Variants in POLN observed in about 807,000 individuals in gnomAD.
The protein encoded by POLN is DNA polymerase N.
A neutral mutation model predicts 113.5 loss-of-function variants in POLN; 108 were observed. The observed-to-expected ratio is 0.95, with a 90% CI of 0.81 to 1.12. The LOEUF is 1.12. POLN is among the 50% of genes most tolerant of loss of function. POLN has a pLI of 0.00. For missense variants in POLN, 1,097 were observed against 1,077.1 expected, an observed-to-expected ratio of 1.02 and a Z score of -0.26; for synonymous variants, 386 against 391.5, an observed-to-expected ratio of 0.99 and a Z score of 0.17.
At chr4:2,230,014 C>G (rs1734524528) in intron 2 of POLN, 1 of 151,922 alleles carries the variant, frequency 6.6e-6, no homozygotes, top group Admixed American at 6.6e-5. Context: ...AGCATCTGGG[C>G]AGGGGCATGG....
At chr4:2,134,870 G>C (rs1731815147) in intron 16 of POLN, among the ~76,000 whole-genome samples, 1 of 152,226 alleles carries the variant, frequency 6.6e-6, no homozygotes, top group Non-Finnish European at 1.5e-5. Context: ...GAATGAGTGA[G>C]ACAGAGAGGC....
In POLN at chr4:2,093,542, C is replaced by A. The variant is rs1445768804; in HGVS notation, c.2065+2309G>T. ...GGGATCAAGCCCAGGCTGCCGGGCC[C>A]AGGACTGGGGAGGTGATGTCCTGCC... On this transcript the variant is annotated intron_variant, in intron 20 of 25. Transcript: ENST00000511885. The surrounding 1 kb of genome is among the most constrained non-coding windows in gnomAD (Gnocchi z 4.1). Among the ~76,000 whole-genome samples, 2 of 152,190 alleles carry A rather than the reference C, an allele frequency of 1.3e-5. No homozygotes were observed. Among genetic ancestry groups the A allele is most frequent in the South Asian group, 4.1e-4 (2 of 4,830 alleles).
intron 16 of POLN, among the ~76,000 whole-genome samples, chr4:2,140,323 C>T (rs151268402): frequency 0.03 from 4,575 of 152,240 alleles, 98 homozygotes; most frequent in Admixed American, 0.048. Flanking sequence ...ATGATCCACC[C>T]GCCTCAGCCT....
intron 20 of POLN, chr4:2,090,360 A>C (rs1730637757): frequency 2.8e-6 from 2 of 713,962 alleles, no homozygotes; most frequent in East Asian, 5.1e-5. Context: ...CTCTCATGTG[A>C]TCAAGGCATG....
chr4:2,234,690 G>T (rs1449460355), intron 2 of POLN, among the ~76,000 whole-genome samples: 4 of 151,982 alleles, frequency 2.6e-5, no homozygotes, highest in African/African-American at 9.7e-5. Context: ...AAATGGCAAA[G>T]GAATATTAAT....
intron 1 of POLN, 74 bp downstream of exon 1, chr4:2,241,977 G>A: frequency 1.0e-6 from 1 of 985,538 alleles, no homozygotes; most frequent in Non-Finnish European, 1.2e-6. Context: ...GAGGCACCTG[G>A]GTGCAGACGG....
At chr4:2,075,544 C>G (rs747520198) in intron 23 of POLN, 25 bp from the exon 24 acceptor site, 1 of 1,612,134 alleles carries the variant, frequency 6.2e-7, no homozygotes, top group South Asian at 1.1e-5. Context: ...AGGAGTCACC[C>G]TGGGAGGCCA....
intron 7 of POLN, among the ~76,000 whole-genome samples, chr4:2,189,173 T>C (rs1256222183): frequency 6.6e-6 from 1 of 152,128 alleles, no homozygotes; most frequent in Non-Finnish European, 1.5e-5. Context: ...AGTCCTCACC[T>C]ACCAATAACA....
chr4:2,120,650 C>T (rs1164870287), intron 19 of POLN, among the ~76,000 whole-genome samples: 2 of 152,042 alleles, frequency 1.3e-5, no homozygotes, highest in African/African-American at 4.8e-5. Context: ...CTCATCACTA[C>T]AACCGGCTAA....
chr4:2,155,935 C>A (rs1297639810), intron 16 of POLN, among the ~76,000 whole-genome samples: 1 of 151,954 alleles, frequency 6.6e-6, no homozygotes, highest in Non-Finnish European at 1.5e-5. Flanking sequence ...CCTGGGTTCA[C>A]ACCATTTTCC....
intron 2 of POLN, chr4:2,232,182 A>G: frequency 8.7e-7 from 1 of 1,149,776 alleles, no homozygotes; most frequent in Non-Finnish European, 1.2e-6. Context: ...AAATAAAAAT[A>G]AAAATTAAAA....
intron 5 of POLN, among the ~76,000 whole-genome samples, chr4:2,206,528 C>T (rs1733847797): frequency 1.3e-5 from 2 of 152,168 alleles, no homozygotes; most frequent in South Asian, 2.1e-4. Context: ...CCAGAATCTA[C>T]AATGACTCAA....
At position 2,180,068 on chromosome 4, in the gene POLN, C is replaced by T. The variant is rs11946489; in HGVS notation, c.1022-603G>A. Among the ~76,000 whole-genome samples, 686 of 152,338 alleles carry T rather than the reference C, an allele frequency of 4.5e-3. 8 individuals carry two copies. Among genetic ancestry groups the T allele is most frequent in the African/African-American group, 0.016 (652 of 41,574 alleles). ...TCTACAAGACAACTAATGTGTGGCG[C>T]TTTGGTACTGTGGAAGGAACACCAG... On this transcript the variant is annotated intron_variant, in intron 7 of 25. Transcript: ENST00000511885.
chr4:2,114,466 TC>T (rs1731271464), intron 19 of POLN, among the ~76,000 whole-genome samples: 1 of 152,184 alleles, frequency 6.6e-6, no homozygotes, highest in South Asian at 2.1e-4. Context: ...TGAAAATGTA[TC>T]TTTTGCATTA....
At chr4:2,187,230 TTTTG>T (rs909294929) in intron 7 of POLN, among the ~76,000 whole-genome samples, 11 of 142,966 alleles carry the variant, frequency 7.7e-5, no homozygotes, top group South Asian at 2.1e-4. Context: ...TTCCCAAATT[TTTTG>T]TTTGTTTGTT....
intron 19 of POLN, among the ~76,000 whole-genome samples, chr4:2,100,241 A>G (rs1467860919): frequency 7.2e-5 from 11 of 152,280 alleles, no homozygotes; most frequent in African/African-American, 2.6e-4. Context: ...GGTTTTTGTT[A>G]TTTTGATAAC....
At chr4:2,234,918 C>T (rs1050017895) in intron 2 of POLN, among the ~76,000 whole-genome samples, 7 of 152,188 alleles carry the variant, frequency 4.6e-5, no homozygotes, top group African/African-American at 1.7e-4. Flanking sequence ...CCAAGTCTTG[C>T]TCTGTCGCCC....
chr4:2,165,319 C>G (rs1321165472), intron 13 of POLN, among the ~76,000 whole-genome samples: 1 of 152,116 alleles, frequency 6.6e-6, no homozygotes, highest in Non-Finnish European at 1.5e-5. Context: ...TGAAATAAGT[C>G]AATCCGAAAA....
chr4:2,085,722 GCAAGC>G lies in POLN; in HGVS notation c.2083_2087del (p.Ala695ProfsTer56). On this transcript the variant is annotated frameshift_variant, in exon 21 of 26. Coordinates refer to ENST00000511885, the MANE Select transcript of POLN (RefSeq NM_181808.4). LOFTEE classifies it high-confidence loss of function. ...CAGCTTCCTGAATAGGAACTCCAAG[GCAAGC>G]AGCCAGCCGCTCCTTCCCTGTCAGT... 1 of 1,613,838 alleles carries G rather than the reference GCAAGC, an allele frequency of 6.2e-7. No individual in the cohort carries two copies. Among genetic ancestry groups the G allele is most frequent in the Non-Finnish European group, 8.5e-7 (1 of 1,180,034 alleles).
Sources: gnomAD v4.1 joint callset for allele counts (sites outside exome capture counted in the v4.1 genomes callset) on GRCh38, gnomAD v4.1.1 for gene constraint, Gnocchi (gnomAD v3.1) non-coding constraint, MANE v1.5 for transcripts, NCBI Gene and HGNC (gene_info 2026-07-23, HGNC 2026-07-21) for gene names.